AGMO: variants seen among roughly 807,000 people sequenced by gnomAD.
The protein encoded by AGMO is glyceryl-ether monooxygenase.
AGMO carries 75 observed loss-of-function variants against 60.2 expected under a neutral mutation model. That is an observed-to-expected ratio of 1.25 (90% CI 1.03 to 1.51). The LOEUF is 1.51. Ranked by LOEUF, AGMO falls within the 40% of genes most tolerant of loss-of-function variation. The pLI is 0.00. For missense variants in AGMO, 763 were observed against 525.5 expected (o/e 1.45, Z -4.42); for synonymous variants, 261 against 177.1 (o/e 1.47, Z -3.76).
downstream of AGMO, among the ~76,000 whole-genome samples, chr7:15,197,463 C>G (rs1398527372): frequency 6.6e-6 from 1 of 152,166 alleles, no homozygotes; most frequent in Non-Finnish European, 1.5e-5. Flanking sequence ...AATTGAACAT[C>G]TGATTCATGA....
intron 12 of AGMO, among the ~76,000 whole-genome samples, chr7:15,338,744 C>G (rs985566509): frequency 1.3e-5 from 2 of 152,102 alleles, no homozygotes; most frequent in Non-Finnish European, 2.9e-5. Flanking sequence ...GTCATTTAAC[C>G]TCTTGTAACT....
At chr7:15,386,316 G>A (rs569984322) in intron 9 of AGMO, among the ~76,000 whole-genome samples, 3 of 152,082 alleles carry the variant, frequency 2.0e-5, no homozygotes, top group Non-Finnish European at 4.4e-5. Context: ...AATAGACTAC[G>A]TTTCTACTCT....
At chr7:15,269,051 A>G (rs896358213) in intron 12 of AGMO, among the ~76,000 whole-genome samples, 10 of 152,084 alleles carry the variant, frequency 6.6e-5, no homozygotes, top group Non-Finnish European at 4.4e-5. Context: ...GATAATAAAG[A>G]ATTTTTGGCA....
chr7:15,127,101 G>C, the AGMO span, among the ~76,000 whole-genome samples: 430 of 152,116 alleles, frequency 2.8e-3, 1 homozygote, highest in Admixed American at 0.017. Context: ...CCAAACCAAT[G>C]TATTTCTTAG....
At chr7:15,561,123 G>C (rs1455865647) in intron 1 of AGMO, among the ~76,000 whole-genome samples, 4 of 152,062 alleles carry the variant, frequency 2.6e-5, no homozygotes, top group Admixed American at 2.0e-4. Flanking sequence ...GAATAACTTT[G>C]ATAGGGTGGG....
intron 12 of AGMO, among the ~76,000 whole-genome samples, chr7:15,336,645 G>T (rs561230786): frequency 6.6e-6 from 1 of 152,232 alleles, no homozygotes; most frequent in South Asian, 2.1e-4. Context: ...TGTAGAATAT[G>T]GGCTGTTATA....
intron 12 of AGMO, among the ~76,000 whole-genome samples, chr7:15,323,164 G>C (rs1160892191): frequency 1.3e-5 from 2 of 152,046 alleles, no homozygotes; most frequent in East Asian, 3.9e-4. Flanking sequence ...AATATAAAGA[G>C]ATGATAAGCG....
intron 12 of AGMO, among the ~76,000 whole-genome samples, chr7:15,354,050 C>T (rs1271081850): frequency 1.3e-5 from 2 of 151,852 alleles, no homozygotes; most frequent in South Asian, 4.1e-4. Context: ...ATACTATGTT[C>T]TAATATTGCT....
chr7:15,347,271 T>C (rs907205626), intron 12 of AGMO, among the ~76,000 whole-genome samples: 2 of 152,050 alleles, frequency 1.3e-5, no homozygotes, highest in African/African-American at 4.8e-5. Flanking sequence ...TCACTAACCG[T>C]GTAACTGGCC....
chr7:15,407,232 C>CATATATATATATATAT (rs60144769), intron 5 of AGMO, among the ~76,000 whole-genome samples: 6,316 of 131,764 alleles, frequency 0.048, 240 homozygotes, highest in Non-Finnish European at 0.069. Context: ...CTTTGGAATA[C>CATATATATATATATAT]ATATATATAT....
At chr7:15,136,551 G>C in the AGMO span, among the ~76,000 whole-genome samples, 2 of 152,046 alleles carry the variant, frequency 1.3e-5, no homozygotes, top group Middle Eastern at 3.4e-3. Context: ...TTCACTAATA[G>C]TGTGTTGGTA....
chr7:15,176,228 A>C, the AGMO span, among the ~76,000 whole-genome samples: 1 of 152,110 alleles, frequency 6.6e-6, no homozygotes, highest in African/African-American at 2.4e-5. Context: ...GCATCAAAAA[A>C]GTTTTTTATC....
chr7:15,219,942 C>G (rs940281914), intron 12 of AGMO, among the ~76,000 whole-genome samples: 2 of 152,126 alleles, frequency 1.3e-5, no homozygotes, highest in African/African-American at 4.8e-5. Flanking sequence ...GCACACACCC[C>G]AGATCTTTCC....
At chr7:15,120,340 T>C in the AGMO span, among the ~76,000 whole-genome samples, 9 of 152,156 alleles carry the variant, frequency 5.9e-5, no homozygotes, top group African/African-American at 2.2e-4. Flanking sequence ...TCAGAAGCGT[T>C]TGACCCTGAT....
intron 12 of AGMO, among the ~76,000 whole-genome samples, chr7:15,272,478 C>G (rs1482815995): frequency 6.6e-6 from 1 of 151,960 alleles, no homozygotes; most frequent in African/African-American, 2.4e-5. Context: ...TTTATGGCTG[C>G]ATAGTATTCC....
At chr7:15,229,072 T>C (rs1269549266) in intron 12 of AGMO, among the ~76,000 whole-genome samples, 1 of 152,110 alleles carries the variant, frequency 6.6e-6, no homozygotes, top group Non-Finnish European at 1.5e-5. Context: ...TTTACTTCCA[T>C]ATGGCTGCCT....
intron 12 of AGMO, among the ~76,000 whole-genome samples, chr7:15,353,962 C>T (rs1782353795): frequency 6.6e-6 from 1 of 152,054 alleles, no homozygotes; most frequent in Admixed American, 6.6e-5. Context: ...CATACAAAGC[C>T]AATACATTTT....
chr7:15,360,111 T>C (rs899350310), intron 12 of AGMO, among the ~76,000 whole-genome samples: 1 of 152,220 alleles, frequency 6.6e-6, no homozygotes, highest in African/African-American at 2.4e-5. Context: ...TTTGTATGTA[T>C]AATCTTATTT....
chr7:15,164,080 C>T, the AGMO span, among the ~76,000 whole-genome samples: 1 of 151,966 alleles, frequency 6.6e-6, no homozygotes, highest in Non-Finnish European at 1.5e-5. Context: ...ATAGAGAACC[C>T]AGAAATAAAA....
Sources: gnomAD v4.1 joint callset for allele counts (sites outside exome capture counted in the v4.1 genomes callset) on GRCh38, gnomAD v4.1.1 for gene constraint, MANE v1.5 for transcripts, NCBI Gene and HGNC (gene_info 2026-07-23, HGNC 2026-07-21) for gene names.